The following SEL1L3 variants were observed in gnomAD, a reference collection of about 807,000 sequenced individuals.
The protein encoded by SEL1L3 is protein sel-1 homolog 3.
Under a neutral mutation model 142.8 loss-of-function variants are expected in SEL1L3, and 76 were observed. The ratio of observed to expected loss-of-function variants is 0.53; its 90% CI spans 0.44 to 0.64. The LOEUF (loss-of-function observed/expected upper bound fraction) is 0.64. Among genes scored for constraint, SEL1L3 ranks in the 30% least tolerant of loss-of-function variants. The pLI is 0.00. For synonymous variants in SEL1L3, 504 were observed against 519.6 expected, an observed-to-expected ratio of 0.97 and a Z score of 0.41; for missense variants, 1,262 against 1,381.7, an observed-to-expected ratio of 0.91 and a Z score of 1.37.
rs1340971112 is a variant in SEL1L3, at chr4:25,832,103, C to G, written c.1098+892G>C. Among the ~76,000 whole-genome samples the G allele has an allele frequency of 2.0e-5, 3 of 152,254 alleles. No individual in the cohort carries two copies. In the East Asian group the frequency reaches 5.8e-4, roughly 29 times the overall value. On this transcript the variant is annotated intron_variant, in intron 5 of 23. Transcript: ENST00000399878. ...ATGTCACTGAACATTTTTAAGTAAA[C>G]AAACACACATACTAAGAATCCCAGC...
intron 20 of SEL1L3, among the ~76,000 whole-genome samples, chr4:25,762,371 A>C (rs777111456): frequency 2.6e-5 from 4 of 152,244 alleles, no homozygotes; most frequent in Non-Finnish European, 4.4e-5. Flanking sequence ...CTGTAATTCC[A>C]ACACAAGAGG....
intron 3 of SEL1L3, 150 bp from the exon 4 acceptor site, chr4:25,833,719 T>C: frequency 4.7e-6 from 3 of 644,668 alleles, no homozygotes; most frequent in Non-Finnish European, 7.5e-6. Flanking sequence ...CTTGCAAAGC[T>C]TGATTTTTGA....
the SEL1L3 span, among the ~76,000 whole-genome samples, chr4:25,734,291 C>T: frequency 2.6e-5 from 4 of 152,108 alleles, no homozygotes; most frequent in East Asian, 7.7e-4. Context: ...GGTGATCTGC[C>T]CATCTCGGCC....
downstream of SEL1L3, among the ~76,000 whole-genome samples, chr4:25,742,997 G>A (rs904900010): frequency 2.6e-5 from 4 of 152,140 alleles, no homozygotes; most frequent in Non-Finnish European, 4.4e-5. Flanking sequence ...TTCAAACCAC[G>A]AGTTATGAAC....
At chr4:25,804,300 T>C (rs550328297) in intron 10 of SEL1L3, among the ~76,000 whole-genome samples, 1 of 152,170 alleles carries the variant, frequency 6.6e-6, no homozygotes, top group Non-Finnish European at 1.5e-5. Flanking sequence ...CACTGTTCCT[T>C]AGCTGGTACA....
At chr4:25,828,759 C>T in intron 6 of SEL1L3, among the ~76,000 whole-genome samples, 1 of 152,036 alleles carries the variant, frequency 6.6e-6, no homozygotes, top group Non-Finnish European at 1.5e-5. Context: ...CTCTTTGCTT[C>T]CCTTTCGTTA....
intron 1 of SEL1L3, among the ~76,000 whole-genome samples, chr4:25,858,026 C>T (rs1463585994): frequency 6.6e-6 from 1 of 152,232 alleles, no homozygotes; most frequent in East Asian, 1.9e-4. Context: ...CCTCATGGGC[C>T]GAACACGCCT....
At chr4:25,784,188 GT>G (rs1711620859) in intron 14 of SEL1L3, 39 bp downstream of exon 14, 8 of 1,476,672 alleles carry the variant, frequency 5.4e-6, no homozygotes, top group Non-Finnish European at 7.6e-6. Context: ...GTGGGAGTGT[GT>G]GGTGGAACTG....
intron 9 of SEL1L3, among the ~76,000 whole-genome samples, chr4:25,806,535 G>C: frequency 6.6e-6 from 1 of 152,124 alleles, no homozygotes; most frequent in Non-Finnish European, 1.5e-5. Context: ...TGTGAATGCT[G>C]ACACGTTGTC....
the SEL1L3 span, among the ~76,000 whole-genome samples, chr4:25,714,494 C>CTT: frequency 3.7e-4 from 25 of 68,010 alleles, no homozygotes; most frequent in African/African-American, 2.3e-3. Context: ...CTTTCTCTTT[C>CTT]TTTCTTTTTC....
At chr4:25,749,917 A>C (rs1392697410) in intron 23 of SEL1L3, among the ~76,000 whole-genome samples, 1 of 152,218 alleles carries the variant, frequency 6.6e-6, no homozygotes, top group Non-Finnish European at 1.5e-5. Context: ...CAAATTTTGC[A>C]TCCATAGTAA....
Position 25,804,679 on chromosome 4 carries a change from A to G in SEL1L3, c.1638T>C (p.Ser546=). Residue 546 remains serine (S), a synonymous_variant, in exon 10 of 24, where the codon TCT becomes TCC. Transcript: ENST00000399878. ...KIFEKAVKRL[S]SIDGLHQISS... ...TAATTTGGTGAAGACCATCAATGCTAGAGAGTCTCTTTACAGCCTTCTCAA... is the reference window on the plus strand; with the variant it reads ...TAATTTGGTGAAGACCATCAATGCTGGAGAGTCTCTTTACAGCCTTCTCAA... 1.2e-6 allele frequency: 2 copies of G among 1,613,700 alleles called. No individual in the cohort carries two copies. Among genetic ancestry groups the G allele is most frequent in the Non-Finnish European group, 1.7e-6 (2 of 1,179,572 alleles).
chr4:25,861,118 C>T (rs1242641060), intron 1 of SEL1L3, among the ~76,000 whole-genome samples: 1 of 152,190 alleles, frequency 6.6e-6, no homozygotes, highest in Non-Finnish European at 1.5e-5. Flanking sequence ...TCACGCAACA[C>T]TCTACTACAT....
At chr4:25,761,057 G>A (rs975643712) in intron 20 of SEL1L3, among the ~76,000 whole-genome samples, 3 of 152,112 alleles carry the variant, frequency 2.0e-5, no homozygotes, top group Non-Finnish European at 2.9e-5. Flanking sequence ...TAGATGAAGC[G>A]TTAAGTATCT....
rs774322099 is a variant in SEL1L3 at position 25,822,005 on chromosome 4, G to T, written c.1281C>A (p.His427Gln). The T allele has an allele frequency of 7.4e-6, 12 of 1,613,486 alleles. No individual in the cohort carries two copies. Among genetic ancestry groups the T allele is most frequent in the Non-Finnish European group, 1.0e-5 (12 of 1,179,778 alleles). ...PLKYYRLRSL[H>Q]PAQIFNPLLE... ...GATCCCCTGGACTCACCTGGGCGGGGTGCAGACTGCGAAGGCGATAGTACT... is the reference window on the plus strand; with the variant it reads ...GATCCCCTGGACTCACCTGGGCGGGTTGCAGACTGCGAAGGCGATAGTACT... The change falls in exon 7 of 24, where the codon CAC becomes CAA. Residue 427 changes from histidine (H) to glutamine (Q), a missense_variant. This residue lies in a region of SEL1L3 where 689 missense variants were observed against 692.8 expected (regional missense o/e 0.99). Transcript: ENST00000399878.
intron 2 of SEL1L3, among the ~76,000 whole-genome samples, chr4:25,846,054 T>C (rs1325115984): frequency 6.6e-6 from 1 of 152,186 alleles, no homozygotes; most frequent in African/African-American, 2.4e-5. Flanking sequence ...TGTGATTCTG[T>C]CACAGGTGGT....
chr4:25,746,007 A>G (rs1028167251), downstream of SEL1L3, among the ~76,000 whole-genome samples: 15 of 152,120 alleles, frequency 9.9e-5, no homozygotes, highest in African/African-American at 3.4e-4. Flanking sequence ...TTAGGACCTG[A>G]TATAGTTTGG....
At chr4:25,755,552 G>C (rs556412561) in intron 23 of SEL1L3, among the ~76,000 whole-genome samples, 1 of 152,092 alleles carries the variant, frequency 6.6e-6, no homozygotes, top group Non-Finnish European at 1.5e-5. Context: ...GCAGGAAGTA[G>C]GTATGTGCTG....
At position 25,767,551 on chromosome 4, in the gene SEL1L3, A is replaced by G. The variant is rs1378788199; in HGVS notation, c.2819T>C (p.Val940Ala). 2 of 1,598,782 alleles carry G rather than the reference A, an allele frequency of 1.3e-6. No homozygotes were observed. The highest frequency in any genetic ancestry group is 2.7e-5 in the African/African-American group (2 of 74,756). The change falls in exon 19 of 24, where the codon GTT (valine) becomes GCT (alanine). Residue 940 changes from valine to alanine, a missense_variant. Coordinates refer to ENST00000399878, the MANE Select transcript of SEL1L3 (RefSeq NM_015187.5). ...NCVWRYYNFS[V>A]FQIDAPSFAY... The stretch of plus-strand genomic sequence containing the variant: ...AAAGGAAGGAGCATCGATTTGAAAA[A>G]CAGAGAAATTATAGTATCTCCAAAC...
Sources: gnomAD v4.1 joint callset for allele counts (sites outside exome capture counted in the v4.1 genomes callset) on GRCh38, gnomAD v4.1.1 for gene constraint, gnomAD v4.1.1 regional missense constraint, MANE v1.5 for transcripts, NCBI Gene and HGNC (gene_info 2026-07-23, HGNC 2026-07-21) for gene names.